The following VIPAS39 variants were observed in gnomAD, a reference collection of about 807,000 sequenced individuals.
VIPAS39 encodes the protein VPS33B interacting protein, apical-basolateral polarity regulator, spe-39 homolog.
Under a neutral mutation model 84.7 loss-of-function variants are expected in VIPAS39, and 63 were observed. That is an observed-to-expected ratio of 0.74 (90% CI 0.61 to 0.92). VIPAS39 has a LOEUF of 0.92. Among genes scored for constraint, VIPAS39 ranks in the 40% least tolerant of loss-of-function variants. The pLI, the probability that VIPAS39 is intolerant of heterozygous loss-of-function variation, is 0.00. For missense variants in VIPAS39, 499 were observed against 604.5 expected, an observed-to-expected ratio of 0.83 and a Z score of 1.83; for synonymous variants, 192 against 216.5, an observed-to-expected ratio of 0.89 and a Z score of 0.99.
intron 2 of VIPAS39, among the ~76,000 whole-genome samples, chr14:77,453,606 G>A (rs949898718): frequency 2.8e-4 from 42 of 152,124 alleles, no homozygotes; most frequent in African/African-American, 9.9e-4. Context: ...GAGTTAGGAG[G>A]AATCAAAGTC....
chr14:77,450,351 T>G (rs1290301808), intron 4 of VIPAS39, among the ~76,000 whole-genome samples: 1 of 152,200 alleles, frequency 6.6e-6, no homozygotes, highest in Non-Finnish European at 1.5e-5. Flanking sequence ...TATGGCACAT[T>G]TTGTTTATCC....
Position 77,444,249 on chromosome 14 carries a change from T to G in VIPAS39, c.597A>C (p.Ala199=). 6.2e-7 allele frequency: 1 copy of G among 1,613,142 alleles called. No individual in the cohort carries two copies. Among genetic ancestry groups the G allele is most frequent in the Non-Finnish European group, 8.5e-7 (1 of 1,179,248 alleles). ...AACAACAACAAATCCGACAACTCAC[T>G]GCAGTAATGACGTTTCCATCATGCA... The part of the protein sequence containing the change: ...VSMHDGNVIT[A]VLIFLKRTLS... The change falls in exon 8 of 20, where the codon GCA becomes GCC. Residue 199 remains alanine (A), a splice_region_variant and synonymous_variant. Coordinates refer to ENST00000557658, the MANE Select transcript of VIPAS39 (RefSeq NM_001193315.2).
intron 1 of VIPAS39, among the ~76,000 whole-genome samples, chr14:77,455,712 CT>C (rs1409668381): frequency 1.3e-5 from 2 of 152,132 alleles, no homozygotes; most frequent in Admixed American, 1.3e-4. Context: ...CCTGTTGAGG[CT>C]TTTGATAGCC....
intron 15 of VIPAS39, 80 bp downstream of exon 15, chr14:77,434,182 G>A (rs1213402944): frequency 1.4e-6 from 2 of 1,437,284 alleles, no homozygotes; most frequent in African/African-American, 1.4e-5. Flanking sequence ...AGGACACACT[G>A]TACAGGGTTA....
Position 77,451,260 on chromosome 14 carries a change from G to T in VIPAS39, c.270C>A (p.Ser90Arg). The change falls in exon 4 of 20, where the codon AGC (serine) becomes AGA (arginine). Residue 90 changes from serine (S) to arginine (R), a missense_variant. Ser to Arg is a moderately radical substitution (Grantham distance 110). Transcript: ENST00000557658. Reference protein sequence around the residue: ...STHEGREQLKSRNSFSSYAQL... With the variant: ...STHEGREQLKRRNSFSSYAQL... ...GTGCATAGGAGGAGAAGCTGTTTCG[G>T]CTCTTTAGCTGTTCACGCCCCTCGT... 1 of 1,614,202 alleles carries T rather than the reference G, an allele frequency of 6.2e-7. No individual in the cohort carries two copies. Among genetic ancestry groups the T allele is most frequent in the Non-Finnish European group, 8.5e-7 (1 of 1,180,044 alleles).
Position 77,433,851 on chromosome 14 carries a change from G to C in VIPAS39, c.1170C>G (p.Phe390Leu). The C allele has an allele frequency of 6.2e-7, 1 of 1,613,936 alleles. No individual in the cohort carries two copies. The highest frequency in any genetic ancestry group is 8.5e-7 in the Non-Finnish European group (1 of 1,179,916). The change falls in exon 16 of 20, where the codon TTC becomes TTG. Residue 390 changes from phenylalanine (F) to leucine (L), a missense_variant. By Grantham distance (22) the Phe-to-Leu change is conservative. Coordinates refer to ENST00000557658, the MANE Select transcript of VIPAS39 (RefSeq NM_001193315.2). ...GGGGCAGGGCACACACCTTTGTGGT[G>C]AATAGGGCATCTACATCATTCCAGG... ...LRAWNDVDAL[F>L]TTKNWLGYTK...
chr14:77,437,574 G>A (rs1391319203), intron 12 of VIPAS39, among the ~76,000 whole-genome samples: 1 of 151,530 alleles, frequency 6.6e-6, no homozygotes, highest in East Asian at 1.9e-4. Context: ...TTAGCTTTAG[G>A]AAAAAAAATC....
At position 77,429,733 on chromosome 14, in the gene VIPAS39, A is replaced by G; in HGVS notation, c.1214T>C (p.Ile405Thr). 1.2e-6 allele frequency: 2 copies of G among 1,614,176 alleles called. No individual in the cohort carries two copies. The highest frequency in any genetic ancestry group is 1.7e-6 in the Non-Finnish European group (2 of 1,180,010). Residue 405 changes from isoleucine (I) to threonine (T), a missense_variant, in exon 17 of 20, where the codon ATT becomes ACT. Transcript: ENST00000557658. ...AATTTCGACAACCCGATGGAAGCCA[A>G]TGGGTGCTCTCTTCTTGGTATAGCC... ...WLGYTKKRAP[I>T]GFHRVVEILH...
At chr14:77,428,611 T>A in intron 18 of VIPAS39, 137 bp from the exon 19 acceptor site, 2 of 745,132 alleles carry the variant, frequency 2.7e-6, no homozygotes, top group Non-Finnish European at 4.7e-6. Context: ...TACTGGTGTG[T>A]GCTACTGTGT....
In VIPAS39 at chr14:77,427,652, A is replaced by C; in HGVS notation, c.1462-16T>G. The C allele has an allele frequency of 6.2e-7, 1 of 1,614,220 alleles. No homozygotes were observed. The highest frequency in any genetic ancestry group is 8.5e-7 in the Non-Finnish European group (1 of 1,180,032). ...ATCGAATTTGCTGTGGAAAGAGGAA[A>C]CAATGAAAGTGTGTGATCAGTTTTC... is the stretch of plus-strand genomic sequence containing the variant. On this transcript the variant is annotated splice_polypyrimidine_tract_variant and intron_variant, in intron 19 of 19. Coordinates refer to ENST00000557658, the MANE Select transcript of VIPAS39 (RefSeq NM_001193315.2).
chr14:77,444,810 C>T (rs1348594108), intron 7 of VIPAS39, among the ~76,000 whole-genome samples: 2 of 152,030 alleles, frequency 1.3e-5, no homozygotes, highest in African/African-American at 2.4e-5. Context: ...TCTCGATCTC[C>T]TGACCTCGTC....
intron 16 of VIPAS39, 107 bp downstream of exon 16, chr14:77,433,735 G>T: frequency 1.7e-6 from 2 of 1,194,482 alleles, no homozygotes; most frequent in Non-Finnish European, 2.4e-6. Flanking sequence ...TGAAATTTTG[G>T]AAAATAAAAA....
Position 77,448,560 on chromosome 14 carries a change from T to A in VIPAS39, c.448-10A>T. 6.2e-7 allele frequency: 1 copy of A among 1,614,020 alleles called. No individual in the cohort carries two copies. Among genetic ancestry groups the A allele is most frequent in the South Asian group, 1.1e-5 (1 of 91,086 alleles). On this transcript the variant is annotated splice_polypyrimidine_tract_variant and intron_variant, in intron 6 of 19. Coordinates refer to ENST00000557658, the MANE Select transcript of VIPAS39 (RefSeq NM_001193315.2). ...AGTCATTGCTGTAATCCTGGAATAT[T>A]AGCAATACGTGAATCCCAGGAAGTT...
Position 77,449,371 on chromosome 14 carries a change from A to G in VIPAS39, c.383-14T>C. ...TGTCTGACAGAGCTGAAAAAGAATA[A>G]GCAGCTGGTTCAGAAGGGCACCATG... On this transcript the variant is annotated splice_polypyrimidine_tract_variant and intron_variant, in intron 5 of 19. Transcript: ENST00000557658. The G allele has an allele frequency of 6.2e-7, 1 of 1,614,128 alleles. No individual in the cohort carries two copies. Among genetic ancestry groups the G allele is most frequent in the African/African-American group, 1.3e-5 (1 of 75,044 alleles).
chr14:77,427,779 T>C, intron 19 of VIPAS39, 143 bp from the exon 20 acceptor site: 1 of 1,047,852 alleles, frequency 9.5e-7, no homozygotes, highest in Middle Eastern at 2.0e-4. Context: ...GTGGGGGATG[T>C]TGAGAAATTT....
chr14:77,453,359 C>A lies in VIPAS39; in HGVS notation c.136G>T (p.Val46Leu). The A allele has an allele frequency of 4.3e-6, 7 of 1,614,088 alleles. No homozygotes were observed. The highest frequency in any genetic ancestry group is 5.9e-6 in the Non-Finnish European group (7 of 1,180,018). Residue 46 changes from valine to leucine, a missense_variant, in exon 3 of 20, where the codon GTG becomes TTG. Physicochemically the swap from Val to Leu is conservative, Grantham distance 32. Transcript: ENST00000557658. ...AGGTCATCATCGTCATCATCATCCA[C>A]GAAGTCTCGGAGGCTGTTCACCGCC... ...KRAVNSLRDF[V>L]DDDDDDDLER...
chr14:77,441,119 G>C, intron 10 of VIPAS39, 26 bp from the exon 11 acceptor site: 1 of 1,612,204 alleles, frequency 6.2e-7, no homozygotes, highest in Non-Finnish European at 8.5e-7. Flanking sequence ...AGGGAGCAGG[G>C]CATTTGTATC....
At chr14:77,428,243 G>C in intron 19 of VIPAS39, 127 bp downstream of exon 19, 1 of 800,950 alleles carries the variant, frequency 1.2e-6, no homozygotes, top group Non-Finnish European at 2.1e-6. Context: ...GTGGCCAGAG[G>C]AGAGCCTTAC....
intron 7 of VIPAS39, among the ~76,000 whole-genome samples, chr14:77,447,561 T>C (rs2078811859): frequency 6.6e-6 from 1 of 152,126 alleles, no homozygotes; most frequent in Non-Finnish European, 1.5e-5. Context: ...CAAATGGAGA[T>C]CTACATGGGG....
Sources: gnomAD v4.1 joint callset for allele counts (sites outside exome capture counted in the v4.1 genomes callset) on GRCh38, gnomAD v4.1.1 for gene constraint, MANE v1.5 for transcripts, NCBI Gene and HGNC (gene_info 2026-07-23, HGNC 2026-07-21) for gene names.